The following MCC variants were observed in gnomAD, a reference collection of about 807,000 sequenced individuals.
MCC encodes the protein colorectal mutant cancer protein.
In MCC, 90 loss-of-function variants were observed where a neutral mutation model predicts 116.2. That is an observed-to-expected ratio of 0.77 (90% CI 0.65 to 0.92). The LOEUF is 0.92. Ranked by LOEUF, MCC falls within the 40% of genes least tolerant of loss-of-function variation. MCC has a pLI of 0.00. For missense variants in MCC, 1,516 were observed against 1,312.2 expected (o/e 1.16, Z -2.40); for synonymous variants, 578 against 510.5 (o/e 1.13, Z -1.78).
rs369571492 is a variant in MCC, at chr5:113,400,991, G to A, written c.171-15779C>T. 2.6e-5 allele frequency among the ~76,000 whole-genome samples: 4 copies of A among 152,188 alleles called. No individual in the cohort carries two copies. The East Asian group carries it at 5.8e-4, about 22-fold the overall frequency. On this transcript the variant is annotated intron_variant, in intron 1 of 18. Coordinates refer to ENST00000408903, the MANE Select transcript of MCC (RefSeq NM_001085377.2). ...AATGGACCCCAGATCCAAACATTAT[G>A]TAAGGCAGTCATGTCTGAAAGATAT...
At chr5:113,111,608 G>A (rs1757102047) in intron 6 of MCC, among the ~76,000 whole-genome samples, 1 of 152,154 alleles carries the variant, frequency 6.6e-6, no homozygotes. Context: ...GAAGTGCTTT[G>A]GGTCTCTATT....
At chr5:113,402,312 C>T (rs71577446) in intron 1 of MCC, among the ~76,000 whole-genome samples, 7 of 90,906 alleles carry the variant, frequency 7.7e-5, no homozygotes, top group African/African-American at 3.1e-4. Context: ...AAAAAAAAAA[C>T]ACACTCAGCT....
intron 3 of MCC, among the ~76,000 whole-genome samples, chr5:113,219,149 A>C (rs1339144935): frequency 6.6e-6 from 1 of 152,266 alleles, no homozygotes; most frequent in African/African-American, 2.4e-5. Context: ...ACACCCGAGA[A>C]GATAATAACA....
intron 1 of MCC, among the ~76,000 whole-genome samples, chr5:113,465,001 T>C (rs1561586474): frequency 6.6e-6 from 1 of 152,138 alleles, no homozygotes; most frequent in Non-Finnish European, 1.5e-5. Flanking sequence ...CAATTCTCTT[T>C]ACATCAATTT....
rs1402581190 is a variant in MCC, at chr5:113,024,620, C to T, written c.*2682G>A. The T allele has an allele frequency of 1.3e-5, 2 of 152,148 alleles. No homozygotes were observed. The allele number at this position is 152,148 out of a possible 1,614,324, so 9.4% of individuals were successfully genotyped here. On this transcript the variant is annotated 3_prime_UTR_variant, in exon 19 of 19. Coordinates refer to ENST00000408903, the MANE Select transcript of MCC (RefSeq NM_001085377.2). ...AAATACGAAATCTGAAGGTTTTTAA[C>T]CTCATATAAATTAGAATCAAGATCA...
chr5:113,156,998 C>A (rs571144498), intron 3 of MCC, among the ~76,000 whole-genome samples: 3 of 152,312 alleles, frequency 2.0e-5, no homozygotes, highest in Admixed American at 1.3e-4. Flanking sequence ...ACAGACTCTC[C>A]CAGGGGTATC....
chr5:113,329,185 C>T (rs180720138), intron 3 of MCC, among the ~76,000 whole-genome samples: 5 of 152,150 alleles, frequency 3.3e-5, no homozygotes, highest in Non-Finnish European at 7.4e-5. Context: ...ATGTAGTGTA[C>T]GGTAAATCCC....
rs746623066 is a variant in MCC at position 113,143,322 on chromosome 5, G to C, written c.780C>G (p.Val260=). ...CATAGCGAAGTGTCGTTCGCTCCTG[G>C]ACATCCTCATGCTCTCTCATGAGGT... is the stretch of plus-strand genomic sequence containing the variant. ...QSHLMREHED[V]QERTTLRYEE... The change falls in exon 5 of 19, where the codon GTC becomes GTG. Residue 260 remains valine, a synonymous_variant. Transcript: ENST00000408903. 6.2e-7 allele frequency: 1 copy of C among 1,613,854 alleles called. No homozygotes were observed. Among genetic ancestry groups the C allele is most frequent in the South Asian group, 1.1e-5 (1 of 91,014 alleles).
At chr5:113,237,758 C>T (rs1043475050) in intron 3 of MCC, among the ~76,000 whole-genome samples, 1 of 152,228 alleles carries the variant, frequency 6.6e-6, no homozygotes, top group Admixed American at 6.5e-5. Context: ...CAGAAACTTG[C>T]AAGGCTCTCA....
chr5:113,083,242 C>T (rs1754983182), intron 10 of MCC, among the ~76,000 whole-genome samples: 1 of 151,798 alleles, frequency 6.6e-6, no homozygotes, highest in Non-Finnish European at 1.5e-5. Flanking sequence ...TCCCCAAGCA[C>T]GTGGTGCTGG....
intron 1 of MCC, among the ~76,000 whole-genome samples, chr5:113,457,000 G>C (rs548566394): frequency 6.6e-6 from 1 of 152,290 alleles, no homozygotes; most frequent in East Asian, 1.9e-4. Context: ...TCACAGCCCT[G>C]GCTCGCTCTC....
chr5:113,162,675 T>C (rs1420978318), intron 3 of MCC, among the ~76,000 whole-genome samples: 2 of 152,030 alleles, frequency 1.3e-5, no homozygotes, highest in Admixed American at 6.6e-5. Flanking sequence ...TTTGTTGTTG[T>C]TGTTGTAGAG....
chr5:113,126,157 T>C (rs1041322486), intron 5 of MCC, among the ~76,000 whole-genome samples: 1 of 152,212 alleles, frequency 6.6e-6, no homozygotes, highest in Admixed American at 6.5e-5. Context: ...TCCAAGTTGC[T>C]TTAAGAGATG....
At chr5:113,232,762 C>G (rs1037795292) in intron 3 of MCC, among the ~76,000 whole-genome samples, 1 of 152,134 alleles carries the variant, frequency 6.6e-6, no homozygotes, top group African/African-American at 2.4e-5. Flanking sequence ...TCATACGGAT[C>G]TTTAGAAAAA....
chr5:113,442,462 G>C (rs756363618), intron 1 of MCC, among the ~76,000 whole-genome samples: 1 of 152,180 alleles, frequency 6.6e-6, no homozygotes, highest in African/African-American at 2.4e-5. Flanking sequence ...TGTTCACTCT[G>C]ATGGCAGTTT....
intron 11 of MCC, among the ~76,000 whole-genome samples, chr5:113,082,612 G>A (rs1260288630): frequency 6.6e-6 from 1 of 152,248 alleles, no homozygotes; most frequent in Non-Finnish European, 1.5e-5. Context: ...GCAGAGCAGT[G>A]AAGCAAGTAT....
At chr5:113,356,168 A>G (rs1768407373) in intron 2 of MCC, among the ~76,000 whole-genome samples, 1 of 150,994 alleles carries the variant, frequency 6.6e-6, no homozygotes, top group Non-Finnish European at 1.5e-5. Context: ...GCTCGAGTCC[A>G]GGAGTGATCC....
At chr5:113,437,678 A>G (rs1032763772) in intron 1 of MCC, among the ~76,000 whole-genome samples, 1 of 152,172 alleles carries the variant, frequency 6.6e-6, no homozygotes, top group Non-Finnish European at 1.5e-5. Flanking sequence ...TCCCTGAGAT[A>G]TATTTCTAAA....
chr5:113,451,558 G>C lies in MCC; in HGVS notation c.170+36687C>G, dbSNP rs149294167. Among the ~76,000 whole-genome samples, 989 of 152,196 alleles carry C rather than the reference G, an allele frequency of 6.5e-3. 7 individuals are homozygous for C. Among genetic ancestry groups the C allele is most frequent in the African/African-American group, 0.022 (925 of 41,526 alleles). On this transcript the variant is annotated intron_variant, in intron 1 of 18. Transcript: ENST00000408903. The stretch of plus-strand genomic sequence containing the variant: ...AAGACCAGCCTGACCAACATGGAGA[G>C]ACCTCGTCTCTACTAAAAATACAAA...
Sources: allele counts gnomAD v4.1 joint callset (sites outside exome capture counted in the v4.1 genomes callset), GRCh38; gene constraint gnomAD v4.1.1; transcripts MANE v1.5; gene names NCBI Gene and HGNC (gene_info 2026-07-23, HGNC 2026-07-21).